The following PCCB variants were observed in gnomAD, a reference collection of about 807,000 sequenced individuals.
PCCB encodes propionyl-CoA carboxylase subunit beta, also known as propionyl-CoA carboxylase beta chain, mitochondrial.
A neutral mutation model predicts 60.7 loss-of-function variants in PCCB; 43 were observed. That is an observed-to-expected ratio of 0.71 (90% CI 0.55 to 0.91). PCCB has a LOEUF of 0.91. Ranked by LOEUF, PCCB falls within the 40% of genes least tolerant of loss-of-function variation. The pLI, the probability that PCCB is intolerant of heterozygous loss-of-function variation, is 0.00. For missense variants in PCCB, 766 were observed against 702.8 expected, an observed-to-expected ratio of 1.09 and a Z score of -1.02; for synonymous variants, 276 against 255.9, an observed-to-expected ratio of 1.08 and a Z score of -0.75.
intron 9 of PCCB, among the ~76,000 whole-genome samples, chr3:136,311,560 G>A (rs868270625): frequency 6.6e-6 from 1 of 151,902 alleles, no homozygotes; most frequent in Non-Finnish European, 1.5e-5. Context: ...GGCTGGTCTC[G>A]AACTCTTGGG....
intron 6 of PCCB, among the ~76,000 whole-genome samples, chr3:136,288,302 T>A (rs1320424907): frequency 6.6e-6 from 1 of 152,172 alleles, no homozygotes; most frequent in Non-Finnish European, 1.5e-5. Context: ...CTTTTAATTT[T>A]AAAAATGATT....
intron 6 of PCCB, among the ~76,000 whole-genome samples, chr3:136,291,538 G>T (rs1933688590): frequency 6.6e-6 from 1 of 152,114 alleles, no homozygotes; most frequent in Admixed American, 6.6e-5. Flanking sequence ...GTGAGCCTGT[G>T]CCTCTGAACT....
intron 1 of PCCB, chr3:136,251,291 A>C (rs1051773363): frequency 7.0e-5 from 32 of 456,396 alleles, no homozygotes; most frequent in African/African-American, 6.4e-4. Context: ...CATTTTGGAG[A>C]GGTGATCCCT....
intron 5 of PCCB, among the ~76,000 whole-genome samples, chr3:136,273,574 C>CTTT (rs1942253810): frequency 4.0e-5 from 2 of 50,360 alleles, no homozygotes; most frequent in Non-Finnish European, 9.1e-5. Flanking sequence ...CCTTCTTTTT[C>CTTT]TTTCTTTTTT....
Position 136,256,551 on chromosome 3 carries a change from G to T in PCCB, c.304-4G>T, listed in dbSNP as rs1178341565. 1.2e-6 allele frequency: 2 copies of T among 1,609,172 alleles called. No individual in the cohort carries two copies. The highest frequency in any genetic ancestry group is 1.7e-6 in the Non-Finnish European group (2 of 1,175,566). ...TAACCTTTATTTTTGCATTTTTCTG[G>T]TAGTTTCCTGGAGACAGCGTGGTCA... On this transcript the variant is annotated splice_polypyrimidine_tract_variant and splice_region_variant and intron_variant, in intron 2 of 14. Coordinates refer to ENST00000251654, the MANE Select transcript of PCCB (RefSeq NM_000532.5).
At chr3:136,269,421 G>GGT (rs545396769) in intron 5 of PCCB, among the ~76,000 whole-genome samples, 81 of 152,102 alleles carry the variant, frequency 5.3e-4, no homozygotes, top group African/African-American at 1.9e-3. Context: ...TTGAATAGGG[G>GGT]GTGTGTGTGT....
At chr3:136,275,924 CT>C (rs1942321386) in intron 5 of PCCB, among the ~76,000 whole-genome samples, 1 of 152,182 alleles carries the variant, frequency 6.6e-6, no homozygotes, top group African/African-American at 2.4e-5. Context: ...GTGTGCACCA[CT>C]ACGCCTGGCT....
At chr3:136,278,589 G>A (rs1459431895) in intron 5 of PCCB, among the ~76,000 whole-genome samples, 1 of 152,038 alleles carries the variant, frequency 6.6e-6, no homozygotes, top group African/African-American at 2.4e-5. Context: ...TAATTTTTAC[G>A]TGTTTGTGAA....
chr3:136,277,049 C>T (rs146580445), intron 5 of PCCB, among the ~76,000 whole-genome samples: 1,957 of 152,254 alleles, frequency 0.013, 24 homozygotes, highest in Middle Eastern at 0.024. Flanking sequence ...GCAAGGGATC[C>T]GGTAATGGGA....
intron 5 of PCCB, among the ~76,000 whole-genome samples, chr3:136,277,518 T>C (rs1942361412): frequency 6.7e-6 from 1 of 149,364 alleles, no homozygotes; most frequent in African/African-American, 2.5e-5. Flanking sequence ...CCAGGGTGGG[T>C]GGAGGGGTAC....
rs776118880 is a variant in PCCB, at chr3:136,330,062, C to CT, written c.*37dup. On this transcript the variant is annotated 3_prime_UTR_variant, in exon 15 of 15. Transcript: ENST00000251654. ...GGAAAAGAAACCAAGAACTGAATTA[C>CT]TGTCTGCCCATTCACATCCCATTCC... The CT allele has an allele frequency of 6.2e-7, 1 of 1,613,464 alleles. No individual in the cohort carries two copies. Among genetic ancestry groups the CT allele is most frequent in the Non-Finnish European group, 8.5e-7 (1 of 1,179,594 alleles).
At chr3:136,312,368 A>G (rs1438026589) in intron 9 of PCCB, among the ~76,000 whole-genome samples, 1 of 152,224 alleles carries the variant, frequency 6.6e-6, no homozygotes, top group African/African-American at 2.4e-5. Flanking sequence ...GTAAGTATGT[A>G]TCTAAACATA....
chr3:136,318,271 G>A (rs941582124), intron 10 of PCCB, among the ~76,000 whole-genome samples: 22 of 152,298 alleles, frequency 1.4e-4, no homozygotes, highest in Admixed American at 8.5e-4. Flanking sequence ...TTGAGCCGGG[G>A]AGGAGGAGGT....
chr3:136,258,478 G>A (rs1941734557), intron 3 of PCCB, among the ~76,000 whole-genome samples: 3 of 152,182 alleles, frequency 2.0e-5, no homozygotes, highest in African/African-American at 7.2e-5. Context: ...ACTGAGGGTA[G>A]GGAGTGATGA....
intron 5 of PCCB, among the ~76,000 whole-genome samples, chr3:136,273,606 T>C (rs1410247348): frequency 3.5e-5 from 5 of 143,628 alleles, no homozygotes; most frequent in Middle Eastern, 3.5e-3. Context: ...TCTTTTTTTT[T>C]TTTTTTTTTT....
chr3:136,298,716 G>A (rs767447276), intron 8 of PCCB, among the ~76,000 whole-genome samples: 2 of 152,174 alleles, frequency 1.3e-5, no homozygotes, highest in Non-Finnish European at 2.9e-5. Flanking sequence ...ATAGAGTAAA[G>A]TGGAGGCCCT....
chr3:136,328,873 G>A lies in PCCB; in HGVS notation c.1498+16G>A, dbSNP rs761933639. ...GCAGTGCGAGGTAGGGGACTGTGGTGAAGAGGGCAGCTTTGTTTGTTTGGT... is the reference window on the plus strand; with the variant it reads ...GCAGTGCGAGGTAGGGGACTGTGGTAAAGAGGGCAGCTTTGTTTGTTTGGT... On this transcript the variant is annotated intron_variant, in intron 14 of 14. Transcript: ENST00000251654. 1 of 1,571,118 alleles carries A rather than the reference G, an allele frequency of 6.4e-7. No individual in the cohort carries two copies. The highest frequency in any genetic ancestry group is 1.1e-5 in the South Asian group (1 of 90,170).
intron 5 of PCCB, among the ~76,000 whole-genome samples, chr3:136,273,558 T>C (rs1189936090): frequency 1.3e-5 from 2 of 150,460 alleles, no homozygotes; most frequent in Non-Finnish European, 3.0e-5. Context: ...TTTTATTATA[T>C]AATGACCTTC....
chr3:136,271,578 G>A (rs1375857023), intron 5 of PCCB, among the ~76,000 whole-genome samples: 3 of 152,082 alleles, frequency 2.0e-5, no homozygotes, highest in Admixed American at 6.6e-5. Flanking sequence ...CACCTCCTTG[G>A]TTAGGTATAT....
Sources: gnomAD v4.1 joint callset for allele counts (sites outside exome capture counted in the v4.1 genomes callset) on GRCh38, gnomAD v4.1.1 for gene constraint, MANE v1.5 for transcripts, NCBI Gene and HGNC (gene_info 2026-07-23, HGNC 2026-07-21) for gene names.